The following TRAT1 variants were observed in gnomAD, a reference collection of about 807,000 sequenced individuals.
TRAT1 encodes the protein T cell receptor associated transmembrane adaptor 1.
A neutral mutation model predicts 20.0 loss-of-function variants in TRAT1; 20 were observed. That is an observed-to-expected ratio of 1.00 (90% CI 0.70 to 1.45). The LOEUF (loss-of-function observed/expected upper bound fraction) is 1.45. Ranked by LOEUF, TRAT1 falls within the 40% of genes most tolerant of loss-of-function variation. The probability of loss-of-function intolerance (pLI) is 0.00; values close to 1 mark genes in which losing one functional copy is unlikely to be tolerated. For missense variants in TRAT1, 237 were observed against 224.1 expected (o/e 1.06, Z -0.37); for synonymous variants, 77 against 74.2 (o/e 1.04, Z -0.20).
intron 5 of TRAT1, among the ~76,000 whole-genome samples, chr3:108,851,382 T>C (rs1304617886): frequency 1.3e-5 from 2 of 152,196 alleles, no homozygotes; most frequent in Non-Finnish European, 2.9e-5. Flanking sequence ...TCCCAAAACA[T>C]TTGAAAAATA....
At chr3:108,834,445 T>C (rs1415152531) in intron 2 of TRAT1, among the ~76,000 whole-genome samples, 1 of 152,238 alleles carries the variant, frequency 6.6e-6, no homozygotes, top group Admixed American at 6.5e-5. Context: ...CAAATAGAAC[T>C]ATCTTTGTTT....
chr3:108,823,869 T>G (rs749819908), intron 1 of TRAT1, among the ~76,000 whole-genome samples: 106 of 152,014 alleles, frequency 7.0e-4, no homozygotes, highest in Non-Finnish European at 1.1e-3. Context: ...TTGTATACAG[T>G]TTTTTTTGTT....
chr3:108,852,682 T>C (rs927121083), intron 5 of TRAT1, among the ~76,000 whole-genome samples: 1 of 152,240 alleles, frequency 6.6e-6, no homozygotes, highest in African/African-American at 2.4e-5. Context: ...TTCATAATTA[T>C]AGTGCTACCT....
At chr3:108,840,701 A>C (rs1454711433) in intron 3 of TRAT1, among the ~76,000 whole-genome samples, 1 of 152,222 alleles carries the variant, frequency 6.6e-6, no homozygotes, top group Non-Finnish European at 1.5e-5. Context: ...CAGGAATAGG[A>C]GTCTGAGCGC....
rs541172570 is a variant in TRAT1 at position 108,841,285 on chromosome 3, C to T, written c.152+2318C>T. Among the ~76,000 whole-genome samples, 41 of 152,250 alleles carry T rather than the reference C, an allele frequency of 2.7e-4. 1 individual carries two copies. Among genetic ancestry groups the T allele is most frequent in the African/African-American group, 9.9e-4 (41 of 41,558 alleles). On this transcript the variant is annotated intron_variant, in intron 3 of 5. Transcript: ENST00000295756. The stretch of plus-strand genomic sequence containing the variant: ...TTAGGCAAAATTTGAATATACAATG[C>T]AGATTTTTTTCTATAAAAAAGCGTT...
At chr3:108,829,320 G>A (rs369844097) in intron 1 of TRAT1, among the ~76,000 whole-genome samples, 31 of 151,986 alleles carry the variant, frequency 2.0e-4, no homozygotes, top group Middle Eastern at 6.8e-3. Context: ...TCAGTGTCTC[G>A]CACCTGTAAT....
At chr3:108,844,688 CA>C (rs1223484293) in intron 3 of TRAT1, among the ~76,000 whole-genome samples, 1 of 150,596 alleles carries the variant, frequency 6.6e-6, no homozygotes, top group Admixed American at 6.6e-5. Flanking sequence ...ACTAAAAATA[CA>C]AAAAATTAGC....
At chr3:108,841,555 C>T (rs1054892714) in intron 3 of TRAT1, among the ~76,000 whole-genome samples, 1 of 152,018 alleles carries the variant, frequency 6.6e-6, no homozygotes, top group Non-Finnish European at 1.5e-5. Flanking sequence ...GGTTTGTGGC[C>T]ATAGAGAAAG....
At chr3:108,848,637 T>A (rs1271902020) in intron 4 of TRAT1, among the ~76,000 whole-genome samples, 1 of 152,206 alleles carries the variant, frequency 6.6e-6, no homozygotes, top group Non-Finnish European at 1.5e-5. Context: ...CTGGCTGAGA[T>A]GTCCGTCACT....
At chr3:108,853,325 G>A (rs1385659142) in intron 5 of TRAT1, among the ~76,000 whole-genome samples, 1 of 152,130 alleles carries the variant, frequency 6.6e-6, no homozygotes, top group Non-Finnish European at 1.5e-5. Flanking sequence ...AGGTGGAGGT[G>A]GAGGTAGAGG....
intron 3 of TRAT1, among the ~76,000 whole-genome samples, chr3:108,846,627 T>G (rs1289222363): frequency 6.6e-6 from 1 of 152,214 alleles, no homozygotes; most frequent in East Asian, 1.9e-4. Context: ...ATGGATTACC[T>G]GGGTTCTAAT....
At chr3:108,833,401 G>C (rs555156525) in intron 2 of TRAT1, among the ~76,000 whole-genome samples, 1 of 152,204 alleles carries the variant, frequency 6.6e-6, no homozygotes, top group South Asian at 2.1e-4. Context: ...CTGGGTAAAA[G>C]AGCAAGACTC....
intron 3 of TRAT1, among the ~76,000 whole-genome samples, chr3:108,840,102 CT>C (rs1233301433): frequency 5.3e-5 from 8 of 150,958 alleles, no homozygotes; most frequent in Non-Finnish European, 1.2e-4. Context: ...TCTTTAAGGT[CT>C]TTTTTTTAAA....
Position 108,830,702 on chromosome 3 carries a change from C to G in TRAT1, c.40C>G (p.Leu14Val). 1 of 1,613,738 alleles carries G rather than the reference C, an allele frequency of 6.2e-7. No individual in the cohort carries two copies. The highest frequency in any genetic ancestry group is 8.5e-7 in the Non-Finnish European group (1 of 1,179,700). The change falls in exon 2 of 6, where the codon CTT becomes GTT. Residue 14 changes from leucine (L) to valine (V), a missense_variant. Leu to Val is a conservative substitution (Grantham distance 32). Transcript: ENST00000295756. ...TGGGTGCCCCTTTTTCCTCTGGGGA[C>G]TTCTAGCATTGTTGGGCTTGGCTTT... The part of the protein sequence containing the change: ...ISGCPFFLWG[L>V]LALLGLALVI...
intron 2 of TRAT1, among the ~76,000 whole-genome samples, chr3:108,833,840 A>G (rs1945816498): frequency 6.6e-6 from 1 of 151,136 alleles, no homozygotes; most frequent in African/African-American, 2.4e-5. Flanking sequence ...ACATCTTTGC[A>G]TAGTGCTGGG....
chr3:108,835,487 T>A (rs1329058420), intron 2 of TRAT1, among the ~76,000 whole-genome samples: 1 of 152,256 alleles, frequency 6.6e-6, no homozygotes, highest in African/African-American at 2.4e-5. Flanking sequence ...AAGCCTGAGC[T>A]TGCTGGCTTT....
chr3:108,832,549 T>C (rs1156481570), intron 2 of TRAT1, among the ~76,000 whole-genome samples: 1 of 152,184 alleles, frequency 6.6e-6, no homozygotes, highest in Non-Finnish European at 1.5e-5. Context: ...AACTTCTTTA[T>C]TAAGATATCT....
chr3:108,849,061 G>GTAAATATA (rs1945972330), intron 4 of TRAT1, 105 bp from the exon 5 acceptor site: 8 of 945,470 alleles, frequency 8.5e-6, no homozygotes, highest in African/African-American at 1.7e-5. Context: ...AGTAATTCTT[G>GTAAATATA]GGCAGTTTAT....
intron 2 of TRAT1, among the ~76,000 whole-genome samples, chr3:108,838,367 T>C (rs1945859215): frequency 6.8e-6 from 1 of 147,252 alleles, no homozygotes; most frequent in South Asian, 2.1e-4. Context: ...GATAGATAGA[T>C]AGATAGATAG....
Sources: gnomAD v4.1 joint callset for allele counts (sites outside exome capture counted in the v4.1 genomes callset) on GRCh38, gnomAD v4.1.1 for gene constraint, MANE v1.5 for transcripts, NCBI Gene and HGNC (gene_info 2026-07-23, HGNC 2026-07-21) for gene names.